The following EVC variants were observed in gnomAD, a reference collection of about 807,000 sequenced individuals.
The protein encoded by EVC is EvC ciliary complex subunit 1.
Under a neutral mutation model 118.9 loss-of-function variants are expected in EVC, and 116 were observed. That is an observed-to-expected ratio of 0.98 (90% CI 0.84 to 1.14). The LOEUF is 1.14. Among genes scored for constraint, EVC ranks in the 50% most tolerant of loss-of-function variants. The pLI is 0.00. For synonymous variants in EVC, 619 were observed against 534.7 expected, an observed-to-expected ratio of 1.16 and a Z score of -2.18; for missense variants, 1,401 against 1,246.4, an observed-to-expected ratio of 1.12 and a Z score of -1.87.
intron 12 of EVC, among the ~76,000 whole-genome samples, chr4:5,788,289 TC>T (rs1316744379): frequency 3.9e-5 from 6 of 152,210 alleles, no homozygotes; most frequent in African/African-American, 1.4e-4. Context: ...CAAGGCCACA[TC>T]CAATCCCTGG....
chr4:5,758,015 G>C (rs1361040535), intron 11 of EVC: 4 of 697,310 alleles, frequency 5.7e-6, no homozygotes, highest in Non-Finnish European at 5.2e-6. Flanking sequence ...TGGTTAGATC[G>C]CACAGTTGGT....
Position 5,719,292 on chromosome 4 carries a change from G to A in EVC, c.219G>A (p.Ala73=), listed in dbSNP as rs759816860. The change falls in exon 2 of 21, where the codon GCG becomes GCA. Residue 73 remains alanine (A), a synonymous_variant. Coordinates refer to ENST00000264956, the MANE Select transcript of EVC (RefSeq NM_153717.3). This position sits in a 1 kb window ranked among gnomAD's most constrained non-coding sequence, Gnocchi z 4.7. ...QNLLKNLESN[A]QTPSETGSPS... ...TGCTCAAGAATTTGGAGTCTAATGC[G>A]CAGACCCCCTCGGAAACTGGCTCCC... 36 of 1,614,032 alleles carry A rather than the reference G, an allele frequency of 2.2e-5. No individual in the cohort carries two copies. Among genetic ancestry groups the A allele is most frequent in the Middle Eastern group, 1.6e-4 (1 of 6,084 alleles).
At chr4:5,817,040 G>T (rs1170451975), downstream of EVC, among the ~76,000 whole-genome samples, 1 of 152,232 alleles carries the variant, frequency 6.6e-6, no homozygotes, top group African/African-American at 2.4e-5. Context: ...GAAGGAATCA[G>T]TGAGGCTGAG....
rs113728951 is a variant in EVC, at chr4:5,812,222, A to G, written c.*1185A>G. ...CAGCCCCTCACACCACCGCCAGGAG[A>G]GGCCTTTCCCACCGGGAGAGAAACT... is the stretch of plus-strand genomic sequence containing the variant. On this transcript the variant is annotated 3_prime_UTR_variant, in exon 21 of 21. Coordinates refer to ENST00000264956, the MANE Select transcript of EVC (RefSeq NM_153717.3). 2.6e-3 allele frequency: 413 copies of G among 159,750 alleles called. 2 individuals are homozygous for G. Among genetic ancestry groups the G allele is most frequent in the African/African-American group, 0.01 (379 of 36,606 alleles). The allele number at this position is 159,750 out of a possible 1,614,324, so 9.9% of individuals were successfully genotyped here. A position where few individuals can be genotyped will look rare whatever the true frequency, so the allele number is the denominator to read the frequency against.
the EVC span, chr4:5,828,791 A>G: frequency 8.3e-7 from 1 of 1,197,976 alleles, no homozygotes; most frequent in South Asian, 1.6e-5. Context: ...TTCTCTCTAA[A>G]AATACCTTTT....
intron 15 of EVC, among the ~76,000 whole-genome samples, chr4:5,800,110 C>T (rs150408400): frequency 4.3e-4 from 65 of 152,248 alleles, no homozygotes; most frequent in African/African-American, 1.5e-3. Flanking sequence ...TTTGGGAGGC[C>T]AAGGCGGGTG....
At chr4:5,790,190 A>AAG (rs1302978259) in intron 12 of EVC, among the ~76,000 whole-genome samples, 1 of 151,562 alleles carries the variant, frequency 6.6e-6, no homozygotes, top group Non-Finnish European at 1.5e-5. Context: ...CAAAAAAAAA[A>AAG]AAAAAGACAA....
Position 5,738,518 on chromosome 4 carries a change from G to A in EVC, c.703-3198G>A, listed in dbSNP as rs939938118. Among the ~76,000 whole-genome samples, 1 of 152,020 alleles carries A rather than the reference G, an allele frequency of 6.6e-6. No individual in the cohort carries two copies. The highest frequency in any genetic ancestry group is 1.5e-5 in the Non-Finnish European group (1 of 67,996). On this transcript the variant is annotated intron_variant, in intron 5 of 20. Coordinates refer to ENST00000264956, the MANE Select transcript of EVC (RefSeq NM_153717.3). This position sits in a 1 kb window ranked among gnomAD's most constrained non-coding sequence, Gnocchi z 6.5. ...GGTCTTATTTTAAGAAACTGCCACA[G>A]CCACCCTAACCTTCAGCAACCACTA...
chr4:5,730,560 A>G (rs939161474), intron 3 of EVC, among the ~76,000 whole-genome samples: 1 of 152,094 alleles, frequency 6.6e-6, no homozygotes, highest in African/African-American at 2.4e-5. Flanking sequence ...CATAGTCAGC[A>G]GAGCGTCAGC....
chr4:5,782,773 C>T (rs761528315), intron 11 of EVC, among the ~76,000 whole-genome samples: 1 of 151,998 alleles, frequency 6.6e-6, no homozygotes, highest in Non-Finnish European at 1.5e-5. Flanking sequence ...AGAGGTCTTC[C>T]ACGTTATTTG....
chr4:5,823,300 T>C, the EVC span, among the ~76,000 whole-genome samples: 6 of 152,354 alleles, frequency 3.9e-5, no homozygotes, highest in African/African-American at 1.2e-4. Flanking sequence ...TTTTCTCCCA[T>C]TGTTTCACTG....
chr4:5,788,310 G>A (rs1050799163), intron 12 of EVC, among the ~76,000 whole-genome samples: 2 of 152,176 alleles, frequency 1.3e-5, no homozygotes, highest in African/African-American at 4.8e-5. Context: ...GGCTGGGGCT[G>A]GAGTCTCATC....
chr4:5,770,154 G>T (rs1299159985), intron 11 of EVC, among the ~76,000 whole-genome samples: 1 of 152,098 alleles, frequency 6.6e-6, no homozygotes, highest in Non-Finnish European at 1.5e-5. Context: ...ATGTGACAAG[G>T]CACACAGAGT....
intron 18 of EVC, 28 bp from the exon 19 acceptor site, chr4:5,809,490 T>C: frequency 6.2e-7 from 1 of 1,607,030 alleles, no homozygotes; most frequent in Non-Finnish European, 8.5e-7. Flanking sequence ...GAGGCCCAGC[T>C]GAATGCTCCT....
chr4:5,746,307 G>A lies in EVC; in HGVS notation c.939+966G>A, dbSNP rs1729343034. Among the ~76,000 whole-genome samples, 1 of 152,092 alleles carries A rather than the reference G, an allele frequency of 6.6e-6. No individual in the cohort carries two copies. Among genetic ancestry groups the A allele is most frequent in the South Asian group, 2.1e-4 (1 of 4,818 alleles). On this transcript the variant is annotated intron_variant, in intron 7 of 20. Transcript: ENST00000264956. This position sits in a 1 kb window ranked among gnomAD's most constrained non-coding sequence, Gnocchi z 5.8. ...AAGAGCTACTGGGCTAATCCAGCAGGAACTTTATTAAGGCAACTGCAGTAG... is the reference window on the plus strand; with the variant it reads ...AAGAGCTACTGGGCTAATCCAGCAGAAACTTTATTAAGGCAACTGCAGTAG...
At chr4:5,781,935 G>A (rs1255378864) in intron 11 of EVC, among the ~76,000 whole-genome samples, 1 of 152,122 alleles carries the variant, frequency 6.6e-6, no homozygotes. Context: ...TGATATGCAG[G>A]GAAAGTAGAG....
the EVC span, chr4:5,821,545 T>C: frequency 2.0e-5 from 11 of 557,724 alleles, no homozygotes; most frequent in Non-Finnish European, 3.2e-5. The surrounding 1 kb of genome is among the most constrained non-coding windows in gnomAD (Gnocchi z 4.4). Flanking sequence ...CCGAGGTGGA[T>C]TCAGCATGAA....
chr4:5,769,022 A>G (rs1025727608), intron 11 of EVC, among the ~76,000 whole-genome samples: 9 of 152,068 alleles, frequency 5.9e-5, no homozygotes, highest in Middle Eastern at 3.2e-3. Context: ...TGATCATGAT[A>G]TTGCAGGCAC....
At chr4:5,768,669 C>T (rs747939067) in intron 11 of EVC, among the ~76,000 whole-genome samples, 10 of 151,854 alleles carry the variant, frequency 6.6e-5, no homozygotes, top group Non-Finnish European at 1.2e-4. Flanking sequence ...CTAGCCTGGC[C>T]AACAGGGTGA....
Sources: gnomAD v4.1 joint callset for allele counts (sites outside exome capture counted in the v4.1 genomes callset) on GRCh38, gnomAD v4.1.1 for gene constraint, Gnocchi (gnomAD v3.1) non-coding constraint, MANE v1.5 for transcripts, NCBI Gene and HGNC (gene_info 2026-07-23, HGNC 2026-07-21) for gene names.